Variants in UTRN observed in about 807,000 individuals in gnomAD.
UTRN encodes the protein dystrophin-related protein 1.
Under a neutral mutation model 463.9 loss-of-function variants are expected in UTRN, and 283 were observed. The ratio of observed to expected loss-of-function variants is 0.61; its 90% CI spans 0.55 to 0.67. The LOEUF is 0.67. UTRN is among the 30% of genes least tolerant of loss of function. UTRN has a pLI of 0.00. For synonymous variants in UTRN, 1,442 were observed against 1,431.5 expected, an observed-to-expected ratio of 1.01 and a Z score of -0.17; for missense variants, 3,922 against 4,084.3, an observed-to-expected ratio of 0.96 and a Z score of 1.08.
chr6:144,502,756 C>T (rs1199759673), intron 34 of UTRN, among the ~76,000 whole-genome samples: 3 of 152,034 alleles, frequency 2.0e-5, no homozygotes, highest in Non-Finnish European at 4.4e-5. Context: ...ATTTATAATC[C>T]TTTGAGTATA....
chr6:144,404,421 A>T (rs1021216738), intron 3 of UTRN, among the ~76,000 whole-genome samples: 5 of 152,202 alleles, frequency 3.3e-5, no homozygotes, highest in Non-Finnish European at 5.9e-5. Flanking sequence ...TGAACTATTC[A>T]TCTGCATGTG....
chr6:144,716,537 T>C (rs1183370847), intron 53 of UTRN, among the ~76,000 whole-genome samples: 2 of 152,330 alleles, frequency 1.3e-5, no homozygotes, highest in African/African-American at 4.8e-5. Context: ...ATAATGCTGT[T>C]CTTTGAAAGC....
rs1786694752 is a variant in UTRN, at chr6:144,437,564, G to C, written c.1060-1G>C. ...CAAATTATAACAATGTCCCTTTCTAGGCTTTTATGATGGAACTGACTGCAC... is the reference window on the plus strand; with the variant it reads ...CAAATTATAACAATGTCCCTTTCTACGCTTTTATGATGGAACTGACTGCAC... On this transcript the variant is annotated splice_acceptor_variant, in intron 10 of 74. Coordinates refer to ENST00000367545, the MANE Select transcript of UTRN (RefSeq NM_007124.3). LOFTEE classifies it high-confidence loss of function. 1 of 1,597,814 alleles carries C rather than the reference G, an allele frequency of 6.3e-7. No homozygotes were observed. The highest frequency in any genetic ancestry group is 1.4e-5 in the African/African-American group (1 of 73,394).
chr6:144,656,245 T>C (rs1169766111), intron 51 of UTRN, among the ~76,000 whole-genome samples: 2 of 152,214 alleles, frequency 1.3e-5, no homozygotes, highest in Admixed American at 6.5e-5. Context: ...TCTAATTTAT[T>C]AAGTCTCTCT....
intron 57 of UTRN, among the ~76,000 whole-genome samples, chr6:144,756,026 T>G (rs1791952969): frequency 6.6e-6 from 1 of 152,110 alleles, no homozygotes; most frequent in Non-Finnish European, 1.5e-5. Context: ...TCACAAACCT[T>G]AGACCTTAGG....
chr6:144,583,620 T>C, intron 51 of UTRN: 1 of 664,038 alleles, frequency 1.5e-6, no homozygotes, highest in Non-Finnish European at 2.8e-6. Context: ...TGATTGAAAA[T>C]AAGGATCTCG....
chr6:144,775,278 G>A (rs543709525), intron 60 of UTRN, among the ~76,000 whole-genome samples: 1 of 152,250 alleles, frequency 6.6e-6, no homozygotes, highest in African/African-American at 2.4e-5. Flanking sequence ...GAAGAATTGA[G>A]GAAAGAGAGG....
intron 74 of UTRN, among the ~76,000 whole-genome samples, chr6:144,850,556 T>C (rs1193844959): frequency 1.3e-5 from 2 of 152,130 alleles, no homozygotes; most frequent in Non-Finnish European, 2.9e-5. Context: ...CACCCTTGGG[T>C]TATGATTCCT....
Position 144,577,031 on chromosome 6 carries a change from G to A in UTRN, c.7290-68G>A, listed in dbSNP as rs369120030. ...GCTGCCTGTTAGTTTTTTATTTAGG[G>A]GATGCGTGATGTGGAATGTCACAAC... On this transcript the variant is annotated intron_variant, in intron 50 of 74. Coordinates refer to ENST00000367545, the MANE Select transcript of UTRN (RefSeq NM_007124.3). The A allele has an allele frequency of 4.0e-6, 6 of 1,487,278 alleles. No individual in the cohort carries two copies. The South Asian group carries it at 5.0e-5, about 12-fold the overall frequency. 92.1% of individuals were successfully genotyped at this position (1,487,278 alleles called of 1,614,324 possible).
chr6:144,567,874 C>T (rs1298742723), intron 50 of UTRN, among the ~76,000 whole-genome samples: 1 of 152,104 alleles, frequency 6.6e-6, no homozygotes, highest in Non-Finnish European at 1.5e-5. Flanking sequence ...TATTCATGTT[C>T]AAATACTCTT....
intron 23 of UTRN, among the ~76,000 whole-genome samples, chr6:144,470,130 C>T (rs1467511175): frequency 2.0e-5 from 3 of 152,250 alleles, no homozygotes; most frequent in Non-Finnish European, 2.9e-5. Flanking sequence ...ACAATCCGAT[C>T]TCTCCTTCTT....
chr6:144,442,036 C>T (rs1787229960), intron 13 of UTRN, among the ~76,000 whole-genome samples: 2 of 152,124 alleles, frequency 1.3e-5, no homozygotes, highest in African/African-American at 4.8e-5. Flanking sequence ...GGCCTCTGGG[C>T]TTGTGATGGG....
In UTRN at chr6:144,731,132, T is replaced by G. The variant is rs567710464; in HGVS notation, c.7939+646T>G. Among the ~76,000 whole-genome samples, 3 of 151,524 alleles carry G rather than the reference T, an allele frequency of 2.0e-5. No homozygotes were observed. In the South Asian group the frequency reaches 6.2e-4, roughly 31 times the overall value. Reference sequence around the variant, plus strand: ...TATATAAAATATTTAAATATCTATATGTAAGGTTACTTTTAAAAATGAGAG... The same window carrying G: ...TATATAAAATATTTAAATATCTATAGGTAAGGTTACTTTTAAAAATGAGAG... On this transcript the variant is annotated intron_variant, in intron 54 of 74. Transcript: ENST00000367545.
chr6:144,302,118 T>C (rs879271063), intron 2 of UTRN, among the ~76,000 whole-genome samples: 2 of 152,206 alleles, frequency 1.3e-5, no homozygotes, highest in Middle Eastern at 3.2e-3. Context: ...TCATTTCTGT[T>C]TGTGGCCCTT....
At chr6:144,431,731 G>A (rs1785868200) in intron 9 of UTRN, among the ~76,000 whole-genome samples, 1 of 152,148 alleles carries the variant, frequency 6.6e-6, no homozygotes, top group Admixed American at 6.5e-5. Context: ...TTATAGTATA[G>A]AGGTTTGGAG....
chr6:144,461,333 AG>A lies in UTRN; in HGVS notation c.2845del (p.Glu949LysfsTer34). The A allele has an allele frequency of 6.4e-7, 1 of 1,567,986 alleles. No individual in the cohort carries two copies. The highest frequency in any genetic ancestry group is 8.6e-7 in the Non-Finnish European group (1 of 1,156,952). ...DLAKVEKALQ[E>X]KKTLDEILEN... is the part of the protein sequence containing the mutation. ...TTGCCAAGGTGGAGAAGGCCCTGCAAGAAAAAAAGGTAACATATATCTTCCA... is the reference window on the plus strand; with the variant it reads ...TTGCCAAGGTGGAGAAGGCCCTGCAAAAAAAAAGGTAACATATATCTTCCA... On this transcript the variant is annotated frameshift_variant, in exon 22 of 75. Coordinates refer to ENST00000367545, the MANE Select transcript of UTRN (RefSeq NM_007124.3). LOFTEE classifies it high-confidence loss of function.
intron 54 of UTRN, among the ~76,000 whole-genome samples, chr6:144,735,118 G>C (rs1789228093): frequency 6.6e-6 from 1 of 152,208 alleles, no homozygotes; most frequent in African/African-American, 2.4e-5. Flanking sequence ...TTTCAATTTA[G>C]TGGGAGATCA....
In UTRN at chr6:144,435,968, C is replaced by T. The variant is rs771674423; in HGVS notation, c.889C>T (p.Arg297Ter). ...TAPEEEHESP[R>*]AETPSTVTEV... ...GCCTGAGGAGGAGCATGAGAGTCCC[C>T]GAGCTGAAACTCCCAGCACTGTCAC... The change falls in exon 10 of 75, where the codon CGA (arginine) becomes TGA (stop). Residue 297 changes from arginine (R) to a stop codon, truncating the protein, a stop_gained. Transcript: ENST00000367545. LOFTEE classifies it high-confidence loss of function. 9 of 1,614,116 alleles carry T rather than the reference C, an allele frequency of 5.6e-6. No individual in the cohort carries two copies. The highest frequency in any genetic ancestry group is 5.9e-6 in the Non-Finnish European group (7 of 1,180,028).
chr6:144,517,098 A>C (rs1024873367), intron 39 of UTRN, 150 bp downstream of exon 39: 5 of 646,466 alleles, frequency 7.7e-6, no homozygotes, highest in Non-Finnish European at 2.2e-6. Context: ...ATGTGTTCAT[A>C]TTTTTGGATG....
Sources: allele counts gnomAD v4.1 joint callset (sites outside exome capture counted in the v4.1 genomes callset), GRCh38; gene constraint gnomAD v4.1.1; transcripts MANE v1.5; gene names NCBI Gene and HGNC (gene_info 2026-07-23, HGNC 2026-07-21).